The following TMTC1 variants were observed in gnomAD, a reference collection of about 807,000 sequenced individuals.
TMTC1 encodes transmembrane O-mannosyltransferase targeting cadherins 1.
Under a neutral mutation model 104.8 loss-of-function variants are expected in TMTC1, and 73 were observed. The observed-to-expected ratio is 0.70, with a 90% confidence interval of 0.58 to 0.85. The LOEUF (loss-of-function observed/expected upper bound fraction) is 0.85, where lower values mean the gene tolerates loss of function less well. Ranked by LOEUF, TMTC1 falls within the 40% of genes least tolerant of loss-of-function variation. TMTC1 has a pLI of 0.00. For synonymous variants in TMTC1, 434 were observed against 428.7 expected (o/e 1.01, Z -0.15); for missense variants, 1,035 against 1,096.1 (o/e 0.94, Z 0.79).
intron 5 of TMTC1, among the ~76,000 whole-genome samples, chr12:29,634,312 T>G (rs1375232410): frequency 6.6e-6 from 1 of 152,168 alleles, no homozygotes; most frequent in Non-Finnish European, 1.5e-5. Context: ...TCCTATGGAA[T>G]GTAATCATCA....
chr12:29,666,133 TTA>T, intron 5 of TMTC1: 2 of 422,380 alleles, frequency 4.7e-6, no homozygotes, highest in South Asian at 3.5e-5. Context: ...TTGAATATTT[TTA>T]ACACATATAG....
At chr12:29,628,858 C>T (rs1938144181) in intron 6 of TMTC1, among the ~76,000 whole-genome samples, 1 of 151,882 alleles carries the variant, frequency 6.6e-6, no homozygotes, top group African/African-American at 2.4e-5. Context: ...GATGGGGTTT[C>T]ACCATGTTGG....
chr12:29,771,386 C>T (rs1168410870), intron 1 of TMTC1, among the ~76,000 whole-genome samples: 1 of 152,132 alleles, frequency 6.6e-6, no homozygotes, highest in African/African-American at 2.4e-5. Flanking sequence ...ACAGAGTTAA[C>T]GTGTGTCAGT....
chr12:29,648,140 C>A (rs1939352790), intron 5 of TMTC1, among the ~76,000 whole-genome samples: 1 of 152,170 alleles, frequency 6.6e-6, no homozygotes, highest in African/African-American at 2.4e-5. Context: ...TCTGACAGGA[C>A]AGGTTACACA....
intron 5 of TMTC1, among the ~76,000 whole-genome samples, chr12:29,647,769 G>GA (rs1417100242): frequency 1.3e-5 from 2 of 152,260 alleles, no homozygotes; most frequent in Admixed American, 1.3e-4. Context: ...CAAATCTCAT[G>GA]AAAAAATATG....
chr12:29,640,888 G>A (rs1054037315), intron 5 of TMTC1: 2 of 152,210 alleles, frequency 1.3e-5, no homozygotes, highest in African/African-American at 4.8e-5. Context: ...TACGGTCTGG[G>A]GGTTGTTGAG....
intron 5 of TMTC1, among the ~76,000 whole-genome samples, chr12:29,718,980 C>T (rs1404119761): frequency 1.3e-5 from 2 of 149,100 alleles, no homozygotes; most frequent in Non-Finnish European, 3.0e-5. Flanking sequence ...GCATATTAGT[C>T]AGTAAACCTG....
chr12:29,508,669 G>T (rs1227080783), intron 17 of TMTC1, among the ~76,000 whole-genome samples: 1 of 152,086 alleles, frequency 6.6e-6, no homozygotes, highest in Non-Finnish European at 1.5e-5. Flanking sequence ...TGCCTCCCGG[G>T]TTCAAACAGT....
intron 5 of TMTC1, among the ~76,000 whole-genome samples, chr12:29,670,019 T>G (rs1303508247): frequency 6.6e-6 from 1 of 152,198 alleles, no homozygotes; most frequent in East Asian, 1.9e-4. Context: ...TGCTGTGTTT[T>G]CCGTTATTTC....
At chr12:29,604,967 G>A (rs1345275277) in intron 6 of TMTC1, among the ~76,000 whole-genome samples, 1 of 151,564 alleles carries the variant, frequency 6.6e-6, no homozygotes, top group Non-Finnish European at 1.5e-5. Context: ...ATCTTTATTT[G>A]CAAAGATTTT....
chr12:29,697,177 T>C (rs1197863927), intron 5 of TMTC1, among the ~76,000 whole-genome samples: 1 of 152,214 alleles, frequency 6.6e-6, no homozygotes, highest in African/African-American at 2.4e-5. Context: ...AACACAGTCA[T>C]GTAGACCTAG....
At chr12:29,638,819 T>C (rs1938694343) in intron 5 of TMTC1, among the ~76,000 whole-genome samples, 1 of 152,198 alleles carries the variant, frequency 6.6e-6, no homozygotes, top group Non-Finnish European at 1.5e-5. Flanking sequence ...CTCCTCCCGT[T>C]TCACCACTAG....
At chr12:29,695,919 T>A (rs1358073406) in intron 5 of TMTC1, among the ~76,000 whole-genome samples, 1 of 150,344 alleles carries the variant, frequency 6.7e-6, no homozygotes, top group Non-Finnish European at 1.5e-5. Flanking sequence ...TTCCCAGGAC[T>A]GAAATAAATA....
chr12:29,506,556 A>AT lies in TMTC1; in HGVS notation c.*289dup. ...CTCCAGGTCTCAAAAGCACAGAGAT[A>AT]TATCAAGAGAAATCTGGAGTTAAAC... On this transcript the variant is annotated 3_prime_UTR_variant, in exon 18 of 18. Transcript: ENST00000539277. 2.9e-6 allele frequency: 1 copy of AT among 348,468 alleles called. No individual in the cohort carries two copies. Among genetic ancestry groups the AT allele is most frequent in the Non-Finnish European group, 5.3e-6 (1 of 187,298 alleles). The allele number at this position is 348,468 out of a possible 1,614,324, so 21.6% of individuals were successfully genotyped here.
intron 6 of TMTC1, among the ~76,000 whole-genome samples, chr12:29,607,379 G>C (rs1485863446): frequency 1.3e-5 from 2 of 152,250 alleles, no homozygotes; most frequent in African/African-American, 4.8e-5. Context: ...TATCAGGCAG[G>C]ATACAGAGGA....
intron 5 of TMTC1, among the ~76,000 whole-genome samples, chr12:29,695,807 ATATATATATATATATATATAT>A (rs1941404780): frequency 1.2e-5 from 1 of 82,696 alleles, no homozygotes; most frequent in African/African-American, 1.1e-4. Flanking sequence ...ATATATATAT[ATATATATATATATATATATAT>A]AACCTGTCTT....
rs1243698717 is a variant in TMTC1 at position 29,506,337 on chromosome 12, A to ACCTGCCCACC, written c.*508_*509insGGTGGGCAGG. The ACCTGCCCACC allele has an allele frequency of 6.5e-6, 1 of 153,298 alleles. No homozygotes were observed. The highest frequency in any genetic ancestry group is 1.5e-5 in the Non-Finnish European group (1 of 68,786). The allele number at this position is 153,298 out of a possible 1,614,324, so 9.5% of individuals were successfully genotyped here. ...CCCACATATTCTGGAAGGTTCTACAAAAGCTATTAGATACTCATTCCTGGT... is the reference window on the plus strand; with the variant it reads ...CCCACATATTCTGGAAGGTTCTACAACCTGCCCACCAAGCTATTAGATACTCATTCCTGGT... On this transcript the variant is annotated 3_prime_UTR_variant, in exon 18 of 18. Coordinates refer to ENST00000539277, the MANE Select transcript of TMTC1 (RefSeq NM_001193451.2).
intron 11 of TMTC1, among the ~76,000 whole-genome samples, chr12:29,521,636 C>T (rs1269806915): frequency 6.9e-6 from 1 of 144,926 alleles, no homozygotes; most frequent in Non-Finnish European, 1.5e-5. Context: ...GGGGCGATCT[C>T]GGCTCACTGC....
rs145166523 is a variant in TMTC1, at chr12:29,552,181, C to G, written c.1676+4676G>C. ...TCTGTGTTGTACAATATAGTAGCCACAAATTACATGTGGCTACTGAACACT... is the reference window on the plus strand; with the variant it reads ...TCTGTGTTGTACAATATAGTAGCCAGAAATTACATGTGGCTACTGAACACT... On this transcript the variant is annotated intron_variant, in intron 10 of 17. Transcript: ENST00000539277. 8.9e-3 allele frequency among the ~76,000 whole-genome samples: 1,355 copies of G among 152,096 alleles called. 26 individuals carry two copies. Among genetic ancestry groups the G allele is most frequent in the African/African-American group, 0.031 (1,287 of 41,484 alleles).
Sources: gnomAD v4.1 joint callset for allele counts (sites outside exome capture counted in the v4.1 genomes callset) on GRCh38, gnomAD v4.1.1 for gene constraint, MANE v1.5 for transcripts, NCBI Gene and HGNC (gene_info 2026-07-23, HGNC 2026-07-21) for gene names.